Variants in DHRS7B observed in about 807,000 individuals in gnomAD.
The protein encoded by DHRS7B is peroxisomal reductase activating PPAR-gamma.
DHRS7B carries 24 observed loss-of-function variants against 26.4 expected under a neutral mutation model. The ratio of observed to expected loss-of-function variants is 0.91; its 90% CI spans 0.66 to 1.28. The LOEUF (loss-of-function observed/expected upper bound fraction) is 1.28. DHRS7B is among the 50% of genes most tolerant of loss of function. The pLI, the probability that DHRS7B is intolerant of heterozygous loss-of-function variation, is 0.00. For synonymous variants in DHRS7B, 142 were observed against 166.4 expected (o/e 0.85, Z 1.13); for missense variants, 368 against 419.4 (o/e 0.88, Z 1.07).
chr17:21,170,252 G>T (rs1236842549), intron 1 of DHRS7B, among the ~76,000 whole-genome samples: 1 of 152,198 alleles, frequency 6.6e-6, no homozygotes, highest in Non-Finnish European at 1.5e-5. Flanking sequence ...ACTCCAGGCA[G>T]CACCCACAGA....
chr17:21,144,763 A>G (rs1262444989), intron 1 of DHRS7B, among the ~76,000 whole-genome samples: 1 of 152,166 alleles, frequency 6.6e-6, no homozygotes, highest in Non-Finnish European at 1.5e-5. Flanking sequence ...TGTTGCAGTG[A>G]TCCCAGATCA....
chr17:21,132,348 A>AATATATAT (rs752912752), intron 1 of DHRS7B, among the ~76,000 whole-genome samples: 5 of 125,048 alleles, frequency 4.0e-5, no homozygotes, highest in African/African-American at 1.5e-4. Context: ...AAAAAAAAAA[A>AATATATAT]ATATATATAT....
chr17:21,176,153 G>T (rs567003722), intron 2 of DHRS7B, among the ~76,000 whole-genome samples: 4 of 152,050 alleles, frequency 2.6e-5, no homozygotes, highest in African/African-American at 9.6e-5. Context: ...ACCACACCTG[G>T]CTAATTTTTT....
chr17:21,171,964 G>A lies in DHRS7B; in HGVS notation c.21-54G>A, dbSNP rs761311934. On this transcript the variant is annotated intron_variant, in intron 1 of 6. Transcript: ENST00000395511. ...CAGATGAGAGGAAGAGCCTAGGAAA[G>A]TCCCCTGAACTCTGCTACTTTGTCA... 3 of 1,608,092 alleles carry A rather than the reference G, an allele frequency of 1.9e-6. No individual in the cohort carries two copies. The East Asian group carries it at 6.7e-5, about 36-fold the overall frequency.
intron 1 of DHRS7B, 64 bp downstream of exon 1, chr17:21,127,055 G>C: frequency 1.4e-6 from 2 of 1,440,954 alleles, no homozygotes; most frequent in Non-Finnish European, 1.8e-6. Context: ...GAGCTGAGGC[G>C]ACGCCCCGGC....
intron 1 of DHRS7B, among the ~76,000 whole-genome samples, chr17:21,149,219 G>GAA (rs895917954): frequency 6.8e-6 from 1 of 147,436 alleles, no homozygotes; most frequent in Non-Finnish European, 1.5e-5. Flanking sequence ...AGTGCTGAAA[G>GAA]AAAAAAAAAA....
At chr17:21,135,214 C>T (rs1253085351) in intron 1 of DHRS7B, among the ~76,000 whole-genome samples, 2 of 152,128 alleles carry the variant, frequency 1.3e-5, no homozygotes, top group Non-Finnish European at 2.9e-5. Flanking sequence ...AGGAGTTTCA[C>T]ATAATTTTGG....
chr17:21,159,482 C>T (rs1973953523), intron 1 of DHRS7B, among the ~76,000 whole-genome samples: 1 of 151,674 alleles, frequency 6.6e-6, no homozygotes, highest in Non-Finnish European at 1.5e-5. Context: ...GTCTCAAGCT[C>T]CTGACCTCAT....
Position 21,172,123 on chromosome 17 carries a change from G to C in DHRS7B, c.126G>C (p.Gln42His). 6.2e-7 allele frequency: 1 copy of C among 1,614,154 alleles called. No individual in the cohort carries two copies. The highest frequency in any genetic ancestry group is 2.2e-5 in the East Asian group (1 of 44,886). ...LGVFGLFRLL[Q>H]WVRGKAYLRN... ...TCTTCGGCCTCTTCCGGCTGCTGCA[G>C]TGGGTGCGCGGGAAGGCCTACCTGC... is the stretch of plus-strand genomic sequence containing the variant. Residue 42 changes from glutamine (Q) to histidine (H), a missense_variant, in exon 2 of 7, where the codon CAG (glutamine) becomes CAC (histidine). By Grantham distance (24) the Gln-to-His change is conservative. Transcript: ENST00000395511.
intron 1 of DHRS7B, among the ~76,000 whole-genome samples, chr17:21,163,850 T>C (rs1346897715): frequency 6.6e-6 from 1 of 151,836 alleles, no homozygotes; most frequent in African/African-American, 2.4e-5. Flanking sequence ...CAGTATGCCC[T>C]GCTAATTTTT....
At chr17:21,171,441 T>G (rs1974244743) in intron 1 of DHRS7B, among the ~76,000 whole-genome samples, 1 of 152,228 alleles carries the variant, frequency 6.6e-6, no homozygotes, top group African/African-American at 2.4e-5. Context: ...GGCCCTGCAC[T>G]GAATCCCCTT....
chr17:21,157,403 A>G (rs890740366), intron 1 of DHRS7B, among the ~76,000 whole-genome samples: 4 of 152,356 alleles, frequency 2.6e-5, no homozygotes, highest in Non-Finnish European at 2.9e-5. Context: ...GTCTGGTTCA[A>G]TATTCAAATC....
At chr17:21,149,872 C>G (rs1186305470) in intron 1 of DHRS7B, among the ~76,000 whole-genome samples, 23 of 151,998 alleles carry the variant, frequency 1.5e-4, no homozygotes, top group Non-Finnish European at 3.4e-4. Flanking sequence ...AGTTGCAAAA[C>G]AACCAGAAAA....
chr17:21,148,755 CAA>C (rs1279563696), intron 1 of DHRS7B, among the ~76,000 whole-genome samples: 5 of 151,730 alleles, frequency 3.3e-5, no homozygotes, highest in African/African-American at 4.8e-5. Context: ...AACAAACAAA[CAA>C]AACCAGAAAA....
chr17:21,133,705 T>TAACTAA, intron 1 of DHRS7B, among the ~76,000 whole-genome samples: 1 of 152,208 alleles, frequency 6.6e-6, no homozygotes, highest in East Asian at 1.9e-4. Flanking sequence ...ATCTGATCTC[T>TAACTAA]CATGGTTAGG....
intron 1 of DHRS7B, among the ~76,000 whole-genome samples, chr17:21,129,271 G>A (rs1487056534): frequency 6.6e-6 from 1 of 152,122 alleles, no homozygotes; most frequent in East Asian, 1.9e-4. Context: ...GGAGAGACAG[G>A]GAAGGCTTTC....
At position 21,172,503 on chromosome 17, in the gene DHRS7B, T is replaced by C. The variant is rs573289307; in HGVS notation, c.199+307T>C. On this transcript the variant is annotated intron_variant, in intron 2 of 6. Coordinates refer to ENST00000395511, the MANE Select transcript of DHRS7B (RefSeq NM_015510.5). Reference sequence around the variant, plus strand: ...ACAGGGCAGCCCTGCTCAGCCTCAGTTGCTTGCTGAGGTAGGAATTTTATG... The same window carrying C: ...ACAGGGCAGCCCTGCTCAGCCTCAGCTGCTTGCTGAGGTAGGAATTTTATG... 4.1e-5 allele frequency: 20 copies of C among 481,938 alleles called. No homozygotes were observed. The Admixed American group carries it at 6.6e-4, about 16-fold the overall frequency. The allele number at this position is 481,938 out of a possible 1,614,324, so 29.9% of individuals were successfully genotyped here.
In DHRS7B at chr17:21,160,459, T is replaced by C. The variant is rs1597743664; in HGVS notation, c.21-11559T>C. 2.0e-5 allele frequency among the ~76,000 whole-genome samples: 3 copies of C among 151,850 alleles called. No individual in the cohort carries two copies. The South Asian group carries it at 6.2e-4, about 32-fold the overall frequency. On this transcript the variant is annotated intron_variant, in intron 1 of 6. Transcript: ENST00000395511. ...GTGAAGAAAATATACAAGTGGCAAA[T>C]AAGCATATGAAAAGATGCTCTGCAT...
At chr17:21,180,007 C>T (rs1490844002) in intron 3 of DHRS7B, among the ~76,000 whole-genome samples, 1 of 151,214 alleles carries the variant, frequency 6.6e-6, no homozygotes, top group African/African-American at 2.4e-5. Flanking sequence ...CTCAGGCGAT[C>T]CACCCGCCTG....
Sources: gnomAD v4.1 joint callset for allele counts (sites outside exome capture counted in the v4.1 genomes callset) on GRCh38, gnomAD v4.1.1 for gene constraint, MANE v1.5 for transcripts, NCBI Gene and HGNC (gene_info 2026-07-23, HGNC 2026-07-21) for gene names.